The following MGAT5 variants were observed in gnomAD, a reference collection of about 807,000 sequenced individuals.
MGAT5 encodes alpha-1,6-mannosylglycoprotein 6-beta-N-acetylglucosaminyltransferase, also known as alpha-1,6-mannosylglycoprotein 6-beta-N-acetylglucosaminyltransferase A.
MGAT5 carries 30 observed loss-of-function variants against 94.3 expected under a neutral mutation model. That is an observed-to-expected ratio of 0.32 (90% CI 0.24 to 0.43). MGAT5 has a LOEUF of 0.43. Among genes scored for constraint, MGAT5 ranks in the 20% least tolerant of loss-of-function variants. The pLI is 1.00. For synonymous variants in MGAT5, 310 were observed against 322.9 expected (o/e 0.96, Z 0.43); for missense variants, 691 against 905.5 (o/e 0.76, Z 3.04).
Position 134,414,175 on chromosome 2 carries a change from C to G in MGAT5, c.1677+1160C>G, listed in dbSNP as rs186023744. On this transcript the variant is annotated intron_variant, in intron 12 of 15. Coordinates refer to ENST00000281923, the MANE Select transcript of MGAT5 (RefSeq NM_002410.5). ...TGTGTGTGTGGTTTTTTTTTTTTTT[C>G]CTTCTGCTAGAATAATAAATTTGAA... 3.6e-5 allele frequency among the ~76,000 whole-genome samples: 5 copies of G among 138,890 alleles called. 1 individual carries two copies. The highest frequency in any genetic ancestry group is 3.6e-4 in the Admixed American group (5 of 13,906). The allele number at this position is 138,890 out of a possible 152,430, so 91.1% of individuals were successfully genotyped here. A position where few individuals can be genotyped will look rare whatever the true frequency, so the allele number is the denominator to read the frequency against.
At chr2:134,229,999 G>T (rs954494830) in intron 1 of MGAT5, among the ~76,000 whole-genome samples, 10 of 152,196 alleles carry the variant, frequency 6.6e-5, no homozygotes, top group Non-Finnish European at 1.3e-4. Flanking sequence ...TAGGATGGCT[G>T]TCATCAAAAA....
chr2:134,426,518 T>G (rs1684598474), intron 13 of MGAT5, among the ~76,000 whole-genome samples: 1 of 152,234 alleles, frequency 6.6e-6, no homozygotes, highest in Non-Finnish European at 1.5e-5. Context: ...TAACTAAATC[T>G]GTTCATCTCA....
chr2:134,389,070 C>T lies in MGAT5; in HGVS notation c.1381-13918C>T, dbSNP rs554214992. Among the ~76,000 whole-genome samples, 22 of 152,206 alleles carry T rather than the reference C, an allele frequency of 1.4e-4. No homozygotes were observed. In the South Asian group the frequency reaches 4.6e-3, roughly 32 times the overall value. On this transcript the variant is annotated intron_variant, in intron 10 of 15. Transcript: ENST00000281923. ...AGTGCCTGAGCCACCGCCCCCAGCC[C>T]AGGTTTGATTTTTGCAGGGCTACTT...
intron 1 of MGAT5, among the ~76,000 whole-genome samples, chr2:134,189,723 T>A (rs1172526759): frequency 6.6e-6 from 1 of 150,580 alleles, no homozygotes; most frequent in Non-Finnish European, 1.5e-5. Context: ...TGCCTCAGCC[T>A]CCCGAGCAGC....
At chr2:134,196,553 G>T (rs1368218937) in intron 1 of MGAT5, among the ~76,000 whole-genome samples, 1 of 152,200 alleles carries the variant, frequency 6.6e-6, no homozygotes, top group African/African-American at 2.4e-5. Context: ...GCTAGCAAAT[G>T]GTTGCTGTTA....
chr2:134,232,983 T>G (rs376545175), intron 1 of MGAT5, among the ~76,000 whole-genome samples: 1 of 152,160 alleles, frequency 6.6e-6, no homozygotes, highest in Non-Finnish European at 1.5e-5. Flanking sequence ...GTCATAACTT[T>G]CTTAAGTTAA....
At chr2:134,161,181 A>G (rs531270294) in intron 1 of MGAT5, among the ~76,000 whole-genome samples, 3 of 152,338 alleles carry the variant, frequency 2.0e-5, no homozygotes, top group African/African-American at 7.2e-5. Flanking sequence ...ATGGATTCCA[A>G]TAAGGCTTTC....
rs1339019917 is a variant in MGAT5 at position 134,412,880 on chromosome 2, A to G, written c.1542A>G (p.Gly514=). The part of the protein sequence containing the change: ...FLLRETKLFV[G]LGFPYEGPAP... ...TTTCTGTCTTACAGTTGTTTGTTGG[A>G]CTTGGGTTCCCTTACGAGGGCCCAG... Residue 514 remains glycine, a synonymous_variant, in exon 12 of 16, where the codon GGA becomes GGG. Coordinates refer to ENST00000281923, the MANE Select transcript of MGAT5 (RefSeq NM_002410.5). The G allele has an allele frequency of 4.3e-6, 7 of 1,613,666 alleles. No homozygotes were observed. In the African/African-American group the frequency reaches 9.4e-5, roughly 22 times the overall value.
chr2:134,366,684 T>TGG (rs1365887981), intron 10 of MGAT5, among the ~76,000 whole-genome samples: 2 of 152,204 alleles, frequency 1.3e-5, no homozygotes, highest in African/African-American at 4.8e-5. Flanking sequence ...ATGCAGACTC[T>TGG]GGTTCATACC....
At chr2:134,386,699 T>C (rs1405926325) in intron 10 of MGAT5, among the ~76,000 whole-genome samples, 3 of 152,368 alleles carry the variant, frequency 2.0e-5, no homozygotes, top group African/African-American at 7.2e-5. Context: ...TCTCTGAAGC[T>C]GTGTCTAGTC....
At chr2:134,202,780 A>G (rs1679854447) in intron 1 of MGAT5, among the ~76,000 whole-genome samples, 1 of 152,250 alleles carries the variant, frequency 6.6e-6, no homozygotes, top group South Asian at 2.1e-4. Flanking sequence ...TTCTAATGCT[A>G]TCTTTACCGT....
At chr2:134,185,744 G>C (rs1227484293) in intron 1 of MGAT5, among the ~76,000 whole-genome samples, 2 of 152,156 alleles carry the variant, frequency 1.3e-5, no homozygotes. Flanking sequence ...TTGGGCAATT[G>C]CTTATCTGCC....
chr2:134,320,690 C>A (rs888037209), intron 4 of MGAT5, among the ~76,000 whole-genome samples: 1 of 152,120 alleles, frequency 6.6e-6, no homozygotes, highest in Non-Finnish European at 1.5e-5. Flanking sequence ...AAGGAGAACA[C>A]CTTCATTTTT....
chr2:134,191,297 A>G (rs1394278596), intron 1 of MGAT5, among the ~76,000 whole-genome samples: 1 of 152,282 alleles, frequency 6.6e-6, no homozygotes, highest in Non-Finnish European at 1.5e-5. Flanking sequence ...CATGTGTTGG[A>G]AACATCCCAG....
intron 8 of MGAT5, among the ~76,000 whole-genome samples, chr2:134,347,819 A>C (rs1165715092): frequency 1.3e-5 from 2 of 152,140 alleles, no homozygotes; most frequent in African/African-American, 4.8e-5. Flanking sequence ...TTGCCAATAA[A>C]TGGAAGAAGC....
chr2:134,394,343 T>C (rs1476411527), intron 10 of MGAT5, among the ~76,000 whole-genome samples: 1 of 152,220 alleles, frequency 6.6e-6, no homozygotes. Context: ...GAAAAAAAAC[T>C]TTTTGAAATT....
chr2:134,336,476 A>T (rs558653172), intron 5 of MGAT5, among the ~76,000 whole-genome samples, 188 bp downstream of exon 5: 2 of 152,214 alleles, frequency 1.3e-5, no homozygotes, highest in East Asian at 3.9e-4. Flanking sequence ...TTGTTTACTG[A>T]GCAATTCTCT....
intron 1 of MGAT5, among the ~76,000 whole-genome samples, chr2:134,191,885 AG>A (rs1679220095): frequency 1.6e-5 from 2 of 121,400 alleles, no homozygotes; most frequent in South Asian, 5.7e-4. Flanking sequence ...TGGGTGGGTG[AG>A]TTCACGCCCT....
At chr2:134,179,819 A>G (rs1205738679) in intron 1 of MGAT5, among the ~76,000 whole-genome samples, 1 of 152,220 alleles carries the variant, frequency 6.6e-6, no homozygotes, top group Non-Finnish European at 1.5e-5. Flanking sequence ...GAGGCAGGGC[A>G]TTCTTAGTTC....
Sources: gnomAD v4.1 joint callset for allele counts (sites outside exome capture counted in the v4.1 genomes callset) on GRCh38, gnomAD v4.1.1 for gene constraint, MANE v1.5 for transcripts, NCBI Gene and HGNC (gene_info 2026-07-23, HGNC 2026-07-21) for gene names.